MCM9: variants seen among roughly 807,000 people sequenced by gnomAD.
MCM9 encodes the protein DNA helicase MCM9.
Under a neutral mutation model 72.8 loss-of-function variants are expected in MCM9, and 55 were observed. That is an observed-to-expected ratio of 0.76 (90% confidence interval 0.61 to 0.95). MCM9 has a LOEUF of 0.95. MCM9 is among the 40% of genes least tolerant of loss of function. The pLI is 0.00. For synonymous variants in MCM9, 480 were observed against 503.4 expected, an observed-to-expected ratio of 0.95 and a Z score of 0.62; for missense variants, 1,279 against 1,377.0, an observed-to-expected ratio of 0.93 and a Z score of 1.13.
intron 8 of MCM9, among the ~76,000 whole-genome samples, chr6:118,858,403 A>T (rs1776700515): frequency 6.6e-6 from 1 of 152,144 alleles, no homozygotes; most frequent in African/African-American, 2.4e-5. Context: ...TATTTAACAT[A>T]CTTAGTGATA....
chr6:118,904,837 AGTTTT>A (rs764227067), intron 8 of MCM9, among the ~76,000 whole-genome samples: 2 of 151,994 alleles, frequency 1.3e-5, no homozygotes, highest in East Asian at 1.9e-4. Flanking sequence ...TCTCATTTTC[AGTTTT>A]GTTTTGTTTT....
chr6:118,923,855 G>C lies in MCM9; in HGVS notation c.577C>G (p.Pro193Ala), dbSNP rs150656647. The change falls in exon 4 of 14, where the codon CCA becomes GCA. Residue 193 changes from proline (P) to alanine (A), a missense_variant. Coordinates refer to ENST00000619706, the MANE Select transcript of MCM9 (RefSeq NM_017696.3). ...FTCLSGLSSS[P>A]TRCRDYQEIK... ...TCCTGGTAATCTCTACACCTGGTTG[G>C]AGACGAAGACAAGCCTGAGAGGCAA... The C allele has an allele frequency of 1.2e-6, 2 of 1,614,146 alleles. No individual in the cohort carries two copies. Among genetic ancestry groups the C allele is most frequent in the South Asian group, 2.2e-5 (2 of 91,088 alleles).
chr6:118,903,787 A>T (rs1301905518), intron 8 of MCM9, among the ~76,000 whole-genome samples: 1 of 152,196 alleles, frequency 6.6e-6, no homozygotes, highest in Non-Finnish European at 1.5e-5. Context: ...GGGTTTCGCC[A>T]TGTGGCCCAG....
rs1270365530 is a variant in MCM9 at position 118,931,615 on chromosome 6, G to A, written c.109C>T (p.His37Tyr). The change falls in exon 3 of 14, where the codon CAT becomes TAT. Residue 37 changes from histidine to tyrosine, a missense_variant. Physicochemically the swap from His to Tyr is moderately conservative, Grantham distance 83. Coordinates refer to ENST00000619706, the MANE Select transcript of MCM9 (RefSeq NM_017696.3). ...LILKERDEDA[H>Y]YPVVVNAMTL... Reference sequence around the variant, plus strand: ...ATGGCATTAACCACAACTGGGTAATGAGCATCTTCATCCCTTTCCTTCAAG... The same window carrying A: ...ATGGCATTAACCACAACTGGGTAATAAGCATCTTCATCCCTTTCCTTCAAG... The A allele has an allele frequency of 1.2e-6, 2 of 1,614,062 alleles. No individual in the cohort carries two copies.
At chr6:118,932,262 G>A (rs1354679044) in intron 2 of MCM9, among the ~76,000 whole-genome samples, 2 of 152,180 alleles carry the variant, frequency 1.3e-5, no homozygotes, top group African/African-American at 4.8e-5. Context: ...GTAGTAGGCT[G>A]TATCATCTAG....
chr6:118,934,101 A>G (rs1015870433), intron 1 of MCM9, among the ~76,000 whole-genome samples: 4 of 152,234 alleles, frequency 2.6e-5, no homozygotes, highest in African/African-American at 9.6e-5. Flanking sequence ...GGAAAAGGGC[A>G]GCAGCAGAAT....
In MCM9 at chr6:118,829,258, G is replaced by A. The variant is rs1774372135; in HGVS notation, c.1326-8C>T. On this transcript the variant is annotated splice_polypyrimidine_tract_variant and splice_region_variant and intron_variant, in intron 9 of 13. Transcript: ENST00000619706. ...TTCAGCTTGCACACGAGGCTGCCAG[G>A]AGAGACAGTACAATTCACTGATTGT... 10 of 1,546,316 alleles carry A rather than the reference G, an allele frequency of 6.5e-6. No individual in the cohort carries two copies. Among genetic ancestry groups the A allele is most frequent in the Non-Finnish European group, 7.9e-6 (9 of 1,143,564 alleles).
At chr6:118,831,451 A>T (rs1309607156) in intron 9 of MCM9, among the ~76,000 whole-genome samples, 1 of 152,058 alleles carries the variant, frequency 6.6e-6, no homozygotes, top group African/African-American at 2.4e-5. Context: ...CAAGGAAAAT[A>T]CGGGAGTGGG....
intron 8 of MCM9, among the ~76,000 whole-genome samples, chr6:118,893,754 T>A (rs1779110546): frequency 6.6e-6 from 1 of 151,592 alleles, no homozygotes; most frequent in African/African-American, 2.4e-5. Flanking sequence ...TAACCCAGTG[T>A]AAACACCGAC....
chr6:118,849,856 T>TC (rs1776112934), intron 9 of MCM9, among the ~76,000 whole-genome samples: 1 of 151,568 alleles, frequency 6.6e-6, no homozygotes, highest in Admixed American at 6.6e-5. Flanking sequence ...CACATACCTA[T>TC]CCCCATGGGT....
rs1358216200 is a variant in MCM9 at position 118,815,967 on chromosome 6, A to C, written c.2289T>G (p.Pro763=). The change falls in exon 14 of 14, where the codon CCT becomes CCG. Residue 763 remains proline, a synonymous_variant. Coordinates refer to ENST00000619706, the MANE Select transcript of MCM9 (RefSeq NM_017696.3). ...SEPKNTVVVS[P]HPKTSGENMA... ...TATTTTCTCCAGATGTTTTGGGATG[A>C]GGAGACACAACAACAGTGTTTTTAG... 1.3e-6 allele frequency: 2 copies of C among 1,550,508 alleles called. No homozygotes were observed. Among genetic ancestry groups the C allele is most frequent in the South Asian group, 2.4e-5 (2 of 84,062 alleles).
At chr6:118,858,357 T>C (rs1245531893) in intron 8 of MCM9, among the ~76,000 whole-genome samples, 1 of 151,952 alleles carries the variant, frequency 6.6e-6, no homozygotes, top group Non-Finnish European at 1.5e-5. Context: ...GAAGAGAACT[T>C]CTTCAACTTG....
chr6:118,826,441 T>C, intron 12 of MCM9, 149 bp from the exon 13 acceptor site: 1 of 785,328 alleles, frequency 1.3e-6, no homozygotes, highest in Non-Finnish European at 1.9e-6. Flanking sequence ...TTTTTCAACT[T>C]TCTATAGTTC....
At chr6:118,840,166 G>T (rs36136420) in intron 9 of MCM9, among the ~76,000 whole-genome samples, 20,255 of 77,706 alleles carry the variant, frequency 0.26, 1,532 homozygotes, top group Admixed American at 0.33. Context: ...AGATTTTTAT[G>T]TTATTTTTTT....
At chr6:118,852,507 G>T (rs534708259) in intron 9 of MCM9, among the ~76,000 whole-genome samples, 1 of 151,802 alleles carries the variant, frequency 6.6e-6, no homozygotes. Flanking sequence ...AAATGGTATC[G>T]CCTCCCCAGG....
intron 8 of MCM9, among the ~76,000 whole-genome samples, chr6:118,886,868 CGTTGG>C (rs1205771395): frequency 6.6e-6 from 1 of 152,034 alleles, no homozygotes; most frequent in Non-Finnish European, 1.5e-5. Flanking sequence ...TGGAGGCTGA[CGTTGG>C]GGGATCGCCT....
chr6:118,879,037 CAG>C (rs1434850769), intron 8 of MCM9, among the ~76,000 whole-genome samples: 1,577 of 152,108 alleles, frequency 0.01, 30 homozygotes, highest in African/African-American at 0.036. Flanking sequence ...GCCTGGGCAA[CAG>C]AGGAAGACCC....
intron 13 of MCM9, among the ~76,000 whole-genome samples, chr6:118,823,136 C>T (rs1159729262): frequency 6.6e-6 from 1 of 152,084 alleles, no homozygotes; most frequent in African/African-American, 2.4e-5. Flanking sequence ...CGCTGGGGTT[C>T]CAGGTGCCAC....
chr6:118,878,817 G>A (rs1369168206), intron 8 of MCM9, among the ~76,000 whole-genome samples: 1 of 152,154 alleles, frequency 6.6e-6, no homozygotes, highest in African/African-American at 2.4e-5. Context: ...AGCACTTTGG[G>A]AGGCTGAGGT....
Sources: allele counts gnomAD v4.1 joint callset (sites outside exome capture counted in the v4.1 genomes callset), GRCh38; gene constraint gnomAD v4.1.1; transcripts MANE v1.5; gene names NCBI Gene and HGNC (gene_info 2026-07-23, HGNC 2026-07-21).